BMP1: variants seen among roughly 807,000 people sequenced by gnomAD.
The protein encoded by BMP1 is mammalian tolloid protein.
BMP1 carries 63 observed loss-of-function variants against 116.8 expected under a neutral mutation model. The ratio of observed to expected loss-of-function variants is 0.54; its 90% CI spans 0.44 to 0.67. The LOEUF (loss-of-function observed/expected upper bound fraction) is 0.67. Ranked by LOEUF, BMP1 falls within the 30% of genes least tolerant of loss-of-function variation. The pLI is 0.00. For synonymous variants in BMP1, 536 were observed against 533.4 expected (o/e 1.00, Z -0.07); for missense variants, 1,183 against 1,358.9 (o/e 0.87, Z 2.04).
In BMP1 at chr8:22,186,062, C is replaced by T. The variant is rs376666605; in HGVS notation, c.1077+5579C>T. On this transcript the variant is annotated intron_variant, in intron 8 of 19. Transcript: ENST00000306385. Reference sequence around the variant, plus strand: ...TGTTGGCCAGGCTGGTCTCGGACTCCTGACCTCAGGCGATCCGCCAGCCTG... The same window carrying T: ...TGTTGGCCAGGCTGGTCTCGGACTCTTGACCTCAGGCGATCCGCCAGCCTG... 3.9e-5 allele frequency among the ~76,000 whole-genome samples: 6 copies of T among 152,088 alleles called. No homozygotes were observed. In the East Asian group the frequency reaches 5.8e-4, roughly 15 times the overall value.
chr8:22,181,762 A>C (rs1193221443), intron 8 of BMP1, among the ~76,000 whole-genome samples: 1 of 152,064 alleles, frequency 6.6e-6, no homozygotes, highest in Non-Finnish European at 1.5e-5. Context: ...GCCATGTTGC[A>C]CAGGCTGGTC....
chr8:22,191,193 G>A (rs775574540), intron 8 of BMP1, among the ~76,000 whole-genome samples: 2 of 152,168 alleles, frequency 1.3e-5, no homozygotes, highest in Non-Finnish European at 2.9e-5. Flanking sequence ...TGATGTCAGG[G>A]TAGGGACTCT....
rs1448920445 is a variant in BMP1 at position 22,211,995 on chromosome 8, G to T, written c.*267G>T. The T allele has an allele frequency of 3.9e-6, 2 of 515,866 alleles. No homozygotes were observed. Among genetic ancestry groups the T allele is most frequent in the Admixed American group, 6.4e-5 (2 of 31,370 alleles). The allele number at this position is 515,866 out of a possible 1,614,324, so 32.0% of individuals were successfully genotyped here. ...TTCGAAGTCATCATTCCTCTCTTAG[G>T]GGGCCCTGCCTGGTGGCAAGAGGGA... On this transcript the variant is annotated 3_prime_UTR_variant, in exon 20 of 20. Coordinates refer to ENST00000306385, the MANE Select transcript of BMP1 (RefSeq NM_006129.5).
intron 8 of BMP1, among the ~76,000 whole-genome samples, chr8:22,184,489 G>A (rs561146076): frequency 6.6e-6 from 1 of 152,180 alleles, no homozygotes; most frequent in South Asian, 2.1e-4. Context: ...GGTTGTAGAA[G>A]TACACGAAGT....
intron 8 of BMP1, among the ~76,000 whole-genome samples, chr8:22,187,551 G>A (rs1169026829): frequency 3.1e-5 from 4 of 130,348 alleles, no homozygotes; most frequent in Non-Finnish European, 3.1e-5. Context: ...GGGTTTCACC[G>A]TGTTAGCCAG....
chr8:22,197,108 C>T, intron 14 of BMP1, 132 bp from the exon 15 acceptor site: 2 of 1,229,046 alleles, frequency 1.6e-6, no homozygotes, highest in South Asian at 1.5e-5. Context: ...TTGGCGAGTA[C>T]AGGAGGATCC....
At chr8:22,167,499 C>T (rs2131835050) in intron 1 of BMP1, among the ~76,000 whole-genome samples, 1 of 152,118 alleles carries the variant, frequency 6.6e-6, no homozygotes, top group African/African-American at 2.4e-5. Context: ...TGGGGCCTGG[C>T]CTTAAAGAAT....
At chr8:22,167,019 C>T (rs1828133432) in intron 1 of BMP1, among the ~76,000 whole-genome samples, 1 of 152,176 alleles carries the variant, frequency 6.6e-6, no homozygotes, top group Non-Finnish European at 1.5e-5. Context: ...TGCATCTTCC[C>T]ATAGAGTTGG....
intron 8 of BMP1, among the ~76,000 whole-genome samples, chr8:22,190,023 C>T (rs1328623143): frequency 6.6e-6 from 1 of 152,052 alleles, no homozygotes; most frequent in African/African-American, 2.4e-5. Context: ...CAGGTTCAAG[C>T]GATTCTCCTG....
chr8:22,211,943 C>T lies in BMP1; in HGVS notation c.*215C>T. ...AACCCCCACCAGCAAGGGGCTGGGG[C>T]CAGGGAGCAGAGCTTCCACAAGACA... On this transcript the variant is annotated 3_prime_UTR_variant, in exon 20 of 20. Coordinates refer to ENST00000306385, the MANE Select transcript of BMP1 (RefSeq NM_006129.5). 1.5e-6 allele frequency: 1 copy of T among 662,970 alleles called. No homozygotes were observed. The highest frequency in any genetic ancestry group is 2.5e-6 in the Non-Finnish European group (1 of 398,830). 41.1% of individuals were successfully genotyped at this position (662,970 alleles called of 1,614,324 possible).
At chr8:22,198,844 C>T (rs140344317) in intron 15 of BMP1, 30 of 817,874 alleles carry the variant, frequency 3.7e-5, no homozygotes, top group Admixed American at 1.3e-4. Context: ...CCCCAACCCC[C>T]GCTTGCTGAG....
At chr8:22,175,379 C>G (rs1162872759) in intron 2 of BMP1, among the ~76,000 whole-genome samples, 1 of 152,154 alleles carries the variant, frequency 6.6e-6, no homozygotes, top group Non-Finnish European at 1.5e-5. Flanking sequence ...CCCACAATTC[C>G]TAGAAAATGA....
chr8:22,177,827 C>G (rs145656850), intron 5 of BMP1, 25 bp from the exon 6 acceptor site: 14 of 1,564,502 alleles, frequency 8.9e-6, no homozygotes, highest in African/African-American at 2.7e-5. Context: ...CCTCTCCCCC[C>G]ACACCCTTTT....
At chr8:22,195,434 C>T (rs1389479096) in intron 12 of BMP1, 28 bp from the exon 13 acceptor site, 1 of 1,586,476 alleles carries the variant, frequency 6.3e-7, no homozygotes, top group African/African-American at 1.4e-5. Context: ...TGCCTGGAGT[C>T]TGTGACACCC....
At chr8:22,193,322 G>A (rs1828987121) in intron 9 of BMP1, among the ~76,000 whole-genome samples, 1 of 152,214 alleles carries the variant, frequency 6.6e-6, no homozygotes, top group African/African-American at 2.4e-5. Flanking sequence ...GTCTGTGAGG[G>A]CAGTTTGTAA....
At chr8:22,197,639 T>C (rs1032890305) in intron 15 of BMP1, among the ~76,000 whole-genome samples, 17 of 152,124 alleles carry the variant, frequency 1.1e-4, no homozygotes, top group African/African-American at 3.9e-4. Context: ...GACTGGGGCC[T>C]GAGGATGGGC....
At chr8:22,181,086 C>G (rs1284315281) in intron 8 of BMP1, among the ~76,000 whole-genome samples, 6 of 152,208 alleles carry the variant, frequency 3.9e-5, no homozygotes, top group African/African-American at 1.4e-4. Flanking sequence ...TCCTTCTCAC[C>G]CATCCTTCCC....
intron 1 of BMP1, 21 bp downstream of exon 1, chr8:22,165,574 C>G: frequency 6.4e-7 from 1 of 1,566,280 alleles, no homozygotes; most frequent in Non-Finnish European, 8.6e-7. Flanking sequence ...CCCGGCCCCC[C>G]GGCGACGGGC....
At chr8:22,199,130 G>A (rs1829178978) in intron 15 of BMP1, 1 of 1,367,642 alleles carries the variant, frequency 7.3e-7, no homozygotes, top group Non-Finnish European at 9.8e-7. Context: ...GCCCTGCACG[G>A]AGACACACAC....
Sources: gnomAD v4.1 joint callset for allele counts (sites outside exome capture counted in the v4.1 genomes callset) on GRCh38, gnomAD v4.1.1 for gene constraint, MANE v1.5 for transcripts, NCBI Gene and HGNC (gene_info 2026-07-23, HGNC 2026-07-21) for gene names.